The following TCF21 variants were observed in gnomAD, a reference collection of about 807,000 sequenced individuals.
TCF21 encodes the protein capsulin.
Under a neutral mutation model 13.5 loss-of-function variants are expected in TCF21, and 3 were observed. The ratio of observed to expected loss-of-function variants is 0.22; its 90% CI spans 0.10 to 0.57. The LOEUF (loss-of-function observed/expected upper bound fraction) is 0.57. TCF21 is among the 20% of genes least tolerant of loss of function. TCF21 has a pLI of 0.92. For synonymous variants in TCF21, 92 were observed against 101.7 expected (o/e 0.90, Z 0.57); for missense variants, 181 against 238.4 (o/e 0.76, Z 1.59).
At position 133,889,724 on chromosome 6, in the gene TCF21, G is replaced by GC. The variant is rs781035127; in HGVS notation, c.333dup (p.Asp112ArgfsTer26). On this transcript the variant is annotated frameshift_variant, in exon 1 of 2. Transcript: ENST00000367882. LOFTEE classifies it high-confidence loss of function. The surrounding 1 kb of genome is among the most constrained non-coding windows in gnomAD (Gnocchi z 5.1). ...GACTCAAGACCACCCTGCCCTGGGT[G>GC]CCCCCCGACACCAAGCTCTCCAAGC... The GC allele has an allele frequency of 1.2e-6, 2 of 1,613,626 alleles. No homozygotes were observed. The highest frequency in any genetic ancestry group is 1.7e-5 in the Admixed American group (1 of 60,024).
At chr6:133,894,134 T>C (rs1775265258), downstream of TCF21, 1 of 152,198 alleles carries the variant, frequency 6.6e-6, no homozygotes, top group African/African-American at 2.4e-5. Flanking sequence ...ACTGAAAGTG[T>C]CTCAGGCAGG....
In TCF21 at chr6:133,889,120, G is replaced by A; in HGVS notation, c.-278G>A. ...GTGTCCACCAAATTCCTCAGCGCTC[G>A]CTCACCCTCCTCTACGGCCACGACT... On this transcript the variant is annotated 5_prime_UTR_variant, in exon 1 of 2. Coordinates refer to ENST00000367882, the MANE Select transcript of TCF21 (RefSeq NM_003206.4). The surrounding 1 kb of genome is among the most constrained non-coding windows in gnomAD (Gnocchi z 5.1). 1 of 522,678 alleles carries A rather than the reference G, an allele frequency of 1.9e-6. No homozygotes were observed. 32.4% of individuals were successfully genotyped at this position (522,678 alleles called of 1,614,324 possible). A position where few individuals can be genotyped will look rare whatever the true frequency, so the allele number is the denominator to read the frequency against.
chr6:133,889,637 G>A lies in TCF21; in HGVS notation c.240G>A (p.Gln80=). 6.2e-7 allele frequency: 1 copy of A among 1,613,776 alleles called. No homozygotes were observed. Among genetic ancestry groups the A allele is most frequent in the Non-Finnish European group, 8.5e-7 (1 of 1,179,954 alleles). ...TCAGCCAGGAGGGGAAGCAGGTCCAGCGCAACGCCGCCAACGCGCGAGAGC... is the reference window on the plus strand; with the variant it reads ...TCAGCCAGGAGGGGAAGCAGGTCCAACGCAACGCCGCCAACGCGCGAGAGC... The part of the protein sequence containing the change: ...SGVSQEGKQV[Q]RNAANARERA... Residue 80 remains glutamine, a synonymous_variant, in exon 1 of 2, where the codon CAG becomes CAA. Transcript: ENST00000367882. This position sits in a 1 kb window ranked among gnomAD's most constrained non-coding sequence, Gnocchi z 5.1.
chr6:133,894,559 C>T, downstream of TCF21: 1 of 152,788 alleles, frequency 6.5e-6, no homozygotes, highest in Non-Finnish European at 1.5e-5. Flanking sequence ...CACACACCCA[C>T]AGTCTAAACA....
intron 1 of TCF21, among the ~76,000 whole-genome samples, chr6:133,890,100 T>C (rs1775184855): frequency 6.6e-6 from 1 of 152,168 alleles, no homozygotes; most frequent in Non-Finnish European, 1.5e-5. Context: ...AATTAAAAGT[T>C]TGCAAGTGTG....
At position 133,891,861 on chromosome 6, in the gene TCF21, C is replaced by T; in HGVS notation, c.*59C>T. 1.3e-6 allele frequency: 2 copies of T among 1,571,120 alleles called. No homozygotes were observed. The highest frequency in any genetic ancestry group is 1.7e-5 in the Admixed American group (1 of 58,492). Reference sequence around the variant, plus strand: ...CCGGGGGGAGCGGGCCCCGGGAAGGCGACCCCTGCCCTCAGTGCTCTCTGT... The same window carrying T: ...CCGGGGGGAGCGGGCCCCGGGAAGGTGACCCCTGCCCTCAGTGCTCTCTGT... On this transcript the variant is annotated 3_prime_UTR_variant, in exon 2 of 2. Coordinates refer to ENST00000367882, the MANE Select transcript of TCF21 (RefSeq NM_003206.4).
downstream of TCF21, chr6:133,893,009 CG>C (rs1295234287): frequency 6.6e-6 from 1 of 152,246 alleles, no homozygotes; most frequent in African/African-American, 2.4e-5. Flanking sequence ...CAGATGCCAC[CG>C]GGGCTGTTTA....
At chr6:133,894,228 T>C (rs1775266812), downstream of TCF21, 1 of 152,202 alleles carries the variant, frequency 6.6e-6, no homozygotes, top group South Asian at 2.1e-4. Flanking sequence ...TTGGTATCTA[T>C]TGACTCTTTC....
chr6:133,895,253 T>A (rs9402547), downstream of TCF21: 136,712 of 152,204 alleles, frequency 0.9, 61,436 homozygotes, highest in Admixed American at 0.94. Context: ...CCAGAGATCC[T>A]GAGTCCAGGA....
At chr6:133,890,709 A>T (rs541222352) in intron 1 of TCF21, among the ~76,000 whole-genome samples, 15 of 152,324 alleles carry the variant, frequency 9.8e-5, no homozygotes, top group African/African-American at 3.6e-4. Context: ...AACAATAACA[A>T]CAACTTACTA....
chr6:133,892,679 T>C (rs1447745626), downstream of TCF21: 1 of 152,232 alleles, frequency 6.6e-6, no homozygotes, highest in Non-Finnish European at 1.5e-5. Context: ...ATAGAAGCTA[T>C]GAAAGATGTA....
At position 133,889,255 on chromosome 6, in the gene TCF21, T is replaced by C; in HGVS notation, c.-143T>C. On this transcript the variant is annotated 5_prime_UTR_variant, in exon 1 of 2. Transcript: ENST00000367882. The surrounding 1 kb of genome is among the most constrained non-coding windows in gnomAD (Gnocchi z 5.1). Reference sequence around the variant, plus strand: ...TTGTGAGACCCAACCAGACCCCAACTCCAGCTCCCAGCAGGAGGTGGCTGC... The same window carrying C: ...TTGTGAGACCCAACCAGACCCCAACCCCAGCTCCCAGCAGGAGGTGGCTGC... 9.2e-7 allele frequency: 1 copy of C among 1,088,706 alleles called. No homozygotes were observed. Among genetic ancestry groups the C allele is most frequent in the Non-Finnish European group, 1.4e-6 (1 of 725,850 alleles). 67.4% of individuals were successfully genotyped at this position (1,088,706 alleles called of 1,614,324 possible).
chr6:133,894,569 A>T, downstream of TCF21: 1 of 152,912 alleles, frequency 6.5e-6, no homozygotes, highest in Non-Finnish European at 1.5e-5. Flanking sequence ...CAGTCTAAAC[A>T]TCTCTCCTTC....
chr6:133,891,274 C>T (rs1298432727), intron 1 of TCF21, among the ~76,000 whole-genome samples: 1 of 152,226 alleles, frequency 6.6e-6, no homozygotes, highest in Non-Finnish European at 1.5e-5. Context: ...ACCACCGCCT[C>T]AGAAGGAGGC....
Position 133,889,745 on chromosome 6 carries a change from C to A in TCF21, c.348C>A (p.Ser116=). The A allele has an allele frequency of 6.2e-7, 1 of 1,613,624 alleles. No individual in the cohort carries two copies. Among genetic ancestry groups the A allele is most frequent in the Non-Finnish European group, 8.5e-7 (1 of 1,179,988 alleles). Residue 116 remains serine (S), a synonymous_variant, in exon 1 of 2, where the codon TCC becomes TCA. Transcript: ENST00000367882. This position sits in a 1 kb window ranked among gnomAD's most constrained non-coding sequence, Gnocchi z 5.1. ...LPWVPPDTKL[S]KLDTLRLASS... is the part of the protein sequence containing the mutation. ...GGGTGCCCCCCGACACCAAGCTCTC[C>A]AAGCTGGACACGCTCAGGCTGGCGT...
downstream of TCF21, chr6:133,892,925 C>G (rs750198984): frequency 2.0e-5 from 3 of 152,200 alleles, no homozygotes; most frequent in Non-Finnish European, 4.4e-5. Context: ...TTGAGATAAA[C>G]AGAGAAGCAA....
At chr6:133,894,478 G>A (rs1323423515), downstream of TCF21, 1 of 152,300 alleles carries the variant, frequency 6.6e-6, no homozygotes, top group African/African-American at 2.4e-5. Context: ...GGATCAAGGT[G>A]GGAATGACTG....
At chr6:133,891,594 C>G (rs960271570) in intron 1 of TCF21, 119 bp from the exon 2 acceptor site, 3 of 1,066,302 alleles carry the variant, frequency 2.8e-6, no homozygotes, top group Admixed American at 2.0e-5. Context: ...CAGAGATAAC[C>G]GGTCTCTCCA....
chr6:133,891,988 C>T lies in TCF21; in HGVS notation c.*186C>T, dbSNP rs1294367928. ...TCCAAACCAGAGGAGATCAATTGTA[C>T]TTACAAAGATTCCCATCTATTTAAC... On this transcript the variant is annotated 3_prime_UTR_variant, in exon 2 of 2. Coordinates refer to ENST00000367882, the MANE Select transcript of TCF21 (RefSeq NM_003206.4). 3.3e-6 allele frequency: 2 copies of T among 599,274 alleles called. No individual in the cohort carries two copies. The highest frequency in any genetic ancestry group is 5.8e-6 in the Non-Finnish European group (2 of 343,606). 37.1% of individuals were successfully genotyped at this position (599,274 alleles called of 1,614,324 possible).
Sources: allele counts gnomAD v4.1 joint callset (sites outside exome capture counted in the v4.1 genomes callset), GRCh38; gene constraint gnomAD v4.1.1; non-coding constraint Gnocchi (gnomAD v3.1); transcripts MANE v1.5; gene names NCBI Gene and HGNC (gene_info 2026-07-23, HGNC 2026-07-21).